Variants in ACOX3 observed in about 807,000 individuals in gnomAD.
The protein encoded by ACOX3 is peroxisomal acyl-coenzyme A oxidase 3.
In ACOX3, 73 loss-of-function variants were observed where a neutral mutation model predicts 81.5. The ratio of observed to expected loss-of-function variants is 0.90; its 90% confidence interval spans 0.74 to 1.09. The LOEUF (loss-of-function observed/expected upper bound fraction) is 1.09, where lower values mean the gene tolerates loss of function less well. Among genes scored for constraint, ACOX3 ranks in the 50% least tolerant of loss-of-function variants. The probability of loss-of-function intolerance (pLI) is 0.00; values close to 1 mark genes in which losing one functional copy is unlikely to be tolerated. For synonymous variants in ACOX3, 387 were observed against 375.1 expected, an observed-to-expected ratio of 1.03 and a Z score of -0.37; for missense variants, 947 against 928.0, an observed-to-expected ratio of 1.02 and a Z score of -0.27.
chr4:8,395,433 T>C (rs919341962), intron 9 of ACOX3, among the ~76,000 whole-genome samples: 1 of 151,616 alleles, frequency 6.6e-6, no homozygotes, highest in African/African-American at 2.4e-5. Flanking sequence ...GCTGGGTACA[T>C]GGCAGGACAA....
Position 8,368,116 on chromosome 4 carries a change from G to A in ACOX3, c.1984-1036C>T, listed in dbSNP as rs747445298. Among the ~76,000 whole-genome samples the A allele has an allele frequency of 2.0e-5, 3 of 152,212 alleles. No homozygotes were observed. Among genetic ancestry groups the A allele is most frequent in the African/African-American group, 7.2e-5 (3 of 41,462 alleles). On this transcript the variant is annotated intron_variant, in intron 17 of 17. Coordinates refer to ENST00000356406, the MANE Select transcript of ACOX3 (RefSeq NM_003501.3). The surrounding 1 kb of genome is among the most constrained non-coding windows in gnomAD (Gnocchi z 5.9). ...GAAATCTGCTCTCACACCCCAGGCC[G>A]CTACAGGCCGCACAGGTGGCACGTG...
At chr4:8,398,625 G>T (rs150195807) in intron 8 of ACOX3, among the ~76,000 whole-genome samples, 1 of 152,064 alleles carries the variant, frequency 6.6e-6, no homozygotes, top group Non-Finnish European at 1.5e-5. Flanking sequence ...ACAGGCACAC[G>T]CTACCATGCC....
At chr4:8,404,743 G>A (rs904067059) in intron 7 of ACOX3, among the ~76,000 whole-genome samples, 12 of 152,164 alleles carry the variant, frequency 7.9e-5, no homozygotes, top group Admixed American at 7.9e-4. Context: ...CTCCTGTAAG[G>A]CAGGCTCCTC....
Position 8,394,683 on chromosome 4 carries a change from C to T in ACOX3, c.1116G>A (p.Ser372=), listed in dbSNP as rs115731879. 102 of 1,613,808 alleles carry T rather than the reference C, an allele frequency of 6.3e-5. No homozygotes were observed. The East Asian group carries it at 1.2e-3, about 20-fold the overall frequency. Residue 372 remains serine, a synonymous_variant, in exon 10 of 18, where the codon TCG becomes TCA. Transcript: ENST00000356406. The surrounding 1 kb of genome is among the most constrained non-coding windows in gnomAD (Gnocchi z 5.9). ...GGAGCTCCACCAGGTCCAGGAAGAG[C>T]GACTTGGAGAAATGGTCTAAGGCGT... ...AVYALDHFSK[S]LFLDLVELQR...
Position 8,371,530 on chromosome 4 carries a change from G to A in ACOX3, c.1897-536C>T, listed in dbSNP as rs372990002. Among the ~76,000 whole-genome samples the A allele has an allele frequency of 2.4e-4, 36 of 152,294 alleles. No individual in the cohort carries two copies. The South Asian group carries it at 3.9e-3, about 17-fold the overall frequency. ...AGTGGACTCTCAAGAATTTTCTTAA[G>A]ATGCAAAACAAAAATTATCCTTAAA... On this transcript the variant is annotated intron_variant, in intron 16 of 17. Transcript: ENST00000356406.
At position 8,400,250 on chromosome 4, in the gene ACOX3, C is replaced by CAATAATAAT. The variant is rs3068615; in HGVS notation, c.777-607_777-599dup. On this transcript the variant is annotated intron_variant, in intron 7 of 17. Coordinates refer to ENST00000356406, the MANE Select transcript of ACOX3 (RefSeq NM_003501.3). This position sits in a 1 kb window ranked among gnomAD's most constrained non-coding sequence, Gnocchi z 4.4. ...TTGGTGACAGAGCAAGACTCCACCTCAATAATAATAATAATAATAATAATA... is the reference window on the plus strand; with the variant it reads ...TTGGTGACAGAGCAAGACTCCACCTCAATAATAATAATAATAATAATAATAATAATAATA... 0.034 allele frequency among the ~76,000 whole-genome samples: 4,960 copies of CAATAATAAT among 146,234 alleles called. 147 individuals are homozygous for CAATAATAAT. Among genetic ancestry groups the CAATAATAAT allele is most frequent in the African/African-American group, 0.083 (3,270 of 39,300 alleles).
chr4:8,386,333 A>G lies in ACOX3; in HGVS notation c.1537+2840T>C, dbSNP rs145203919. Among the ~76,000 whole-genome samples, 2 of 152,214 alleles carry G rather than the reference A, an allele frequency of 1.3e-5. No individual in the cohort carries two copies. Among genetic ancestry groups the G allele is most frequent in the East Asian group, 3.9e-4 (2 of 5,164 alleles). ...TGTGATCCCAGCACTTCGGGAGGCC[A>G]AGGTGGGCGGATCACGAGGTCAGGA... On this transcript the variant is annotated intron_variant, in intron 13 of 17. Transcript: ENST00000356406. This position sits in a 1 kb window ranked among gnomAD's most constrained non-coding sequence, Gnocchi z 5.2.
intron 1 of ACOX3, among the ~76,000 whole-genome samples, chr4:8,433,223 C>T (rs1256465106): frequency 2.0e-5 from 3 of 152,226 alleles, no homozygotes. Flanking sequence ...TGACACGCTC[C>T]CTAATCTCAG....
At chr4:8,365,117 C>A (rs1031131056), downstream of ACOX3, among the ~76,000 whole-genome samples, 14 of 152,218 alleles carry the variant, frequency 9.2e-5, no homozygotes, top group African/African-American at 3.4e-4. Flanking sequence ...CCCACGCAGG[C>A]CCAACTGCTC....
chr4:8,428,331 C>G (rs1279916801), intron 1 of ACOX3: 1 of 152,786 alleles, frequency 6.5e-6, no homozygotes, highest in Non-Finnish European at 1.5e-5. Flanking sequence ...GTCCTCGCTG[C>G]TCTGCACCGT....
At chr4:8,438,515 C>T (rs775042425) in intron 1 of ACOX3, among the ~76,000 whole-genome samples, 6 of 152,106 alleles carry the variant, frequency 3.9e-5, no homozygotes, top group African/African-American at 9.7e-5. Flanking sequence ...TTTGTTCGGT[C>T]GGCCACCCCC....
rs541272982 is a variant in ACOX3 at position 8,432,072 on chromosome 4, G to A, written c.-15+8576C>T. ...GATCCATCACAGCTCAGCCACAGTC[G>A]TCACCACCACCCAGCAGCCACCTCA... On this transcript the variant is annotated intron_variant, in intron 1 of 17. Transcript: ENST00000356406. The surrounding 1 kb of genome is among the most constrained non-coding windows in gnomAD (Gnocchi z 6.2). Among the ~76,000 whole-genome samples, 4 of 152,170 alleles carry A rather than the reference G, an allele frequency of 2.6e-5. No homozygotes were observed. The highest frequency in any genetic ancestry group is 4.4e-5 in the Non-Finnish European group (3 of 68,030).
intron 1 of ACOX3, among the ~76,000 whole-genome samples, chr4:8,420,364 C>T (rs1340454799): frequency 1.3e-5 from 2 of 152,274 alleles, no homozygotes; most frequent in South Asian, 2.1e-4. Flanking sequence ...TACAGTGATG[C>T]TGAGAGACAG....
chr4:8,415,064 G>A, intron 3 of ACOX3, 136 bp from the exon 4 acceptor site: 1 of 830,910 alleles, frequency 1.2e-6, no homozygotes, highest in Non-Finnish European at 2.0e-6. Context: ...CCCCAAGGTG[G>A]AGAACAAGTG....
chr4:8,410,125 C>T, intron 6 of ACOX3, 87 bp downstream of exon 6: 8 of 1,497,478 alleles, frequency 5.3e-6, no homozygotes, highest in Non-Finnish European at 7.2e-6. Flanking sequence ...ATGCCCCACC[C>T]TTGTTATGAC....
chr4:8,355,326 G>A, the ACOX3 span: 2 of 152,316 alleles, frequency 1.3e-5, no homozygotes, highest in South Asian at 2.1e-4. Flanking sequence ...GATGAGAAAC[G>A]AGGCTTTATT....
rs1182830812 is a variant in ACOX3, at chr4:8,406,904, C to A, written c.688-861G>T. On this transcript the variant is annotated intron_variant, in intron 6 of 17. Transcript: ENST00000356406. This position sits in a 1 kb window ranked among gnomAD's most constrained non-coding sequence, Gnocchi z 5.6. ...GTCCTCCGGATAACTGCGGGCAAGC[C>A]TGACAAATGTCAGGCCCTCTACAAG... 1.3e-5 allele frequency among the ~76,000 whole-genome samples: 2 copies of A among 152,204 alleles called. No individual in the cohort carries two copies. The highest frequency in any genetic ancestry group is 2.9e-5 in the Non-Finnish European group (2 of 68,024).
Position 8,410,358 on chromosome 4 carries a change from G to T in ACOX3, c.544-3C>A, listed in dbSNP as rs1721586710. 3.1e-6 allele frequency: 5 copies of T among 1,613,468 alleles called. No individual in the cohort carries two copies. The highest frequency in any genetic ancestry group is 3.3e-4 in the Middle Eastern group (2 of 6,058). On this transcript the variant is annotated splice_polypyrimidine_tract_variant and splice_region_variant and intron_variant, in intron 5 of 17. Coordinates refer to ENST00000356406, the MANE Select transcript of ACOX3 (RefSeq NM_003501.3). ...TCAGGGGAATGTATGATGAATTCCTGCACAAGGGAAAATTTAGGTTAGTTA... is the reference window on the plus strand; with the variant it reads ...TCAGGGGAATGTATGATGAATTCCTTCACAAGGGAAAATTTAGGTTAGTTA...
rs191821491 is a variant in ACOX3, at chr4:8,410,937, C to T, written c.544-582G>A. ...TAGCAGATGGGCTGTGGCATCACAG[C>T]GTTCGGTGTTTGGCTAGAAGGGGTG... On this transcript the variant is annotated intron_variant, in intron 5 of 17. Coordinates refer to ENST00000356406, the MANE Select transcript of ACOX3 (RefSeq NM_003501.3). Among the ~76,000 whole-genome samples, 200 of 152,336 alleles carry T rather than the reference C, an allele frequency of 1.3e-3. 5 individuals carry two copies. Among genetic ancestry groups the T allele is most frequent in the Admixed American group, 0.013 (193 of 15,304 alleles).
Sources: gnomAD v4.1 joint callset for allele counts (sites outside exome capture counted in the v4.1 genomes callset) on GRCh38, gnomAD v4.1.1 for gene constraint, Gnocchi (gnomAD v3.1) non-coding constraint, MANE v1.5 for transcripts, NCBI Gene and HGNC (gene_info 2026-07-23, HGNC 2026-07-21) for gene names.